The following GABRA3 variants were observed in gnomAD, a reference collection of about 807,000 sequenced individuals.
GABRA3 encodes the protein gamma-aminobutyric acid type A receptor subunit alpha3.
In GABRA3, 10 loss-of-function variants were observed where a neutral mutation model predicts 30.1. The ratio of observed to expected loss-of-function variants is 0.33; its 90% CI spans 0.20 to 0.56. The LOEUF is 0.56. GABRA3 is among the 20% of genes least tolerant of loss of function. GABRA3 has a pLI of 0.89. For missense variants in GABRA3, 233 were observed against 392.0 expected, an observed-to-expected ratio of 0.59 and a Z score of 3.42; for synonymous variants, 151 against 146.8, an observed-to-expected ratio of 1.03 and a Z score of -0.21.
At chrX:152,425,894 G>T (rs1037508340) in intron 1 of GABRA3, among the ~76,000 whole-genome samples, 1 of 110,779 alleles carries the variant, frequency 9.0e-6, no homozygotes, top group African/African-American at 3.3e-5. Flanking sequence ...TGCATGGCAG[G>T]CTCCTTTTCA....
At chrX:152,384,544 G>A (rs1311479015) in intron 1 of GABRA3, among the ~76,000 whole-genome samples, 1 of 111,695 alleles carries the variant, frequency 9.0e-6, no homozygotes, top group Non-Finnish European at 1.9e-5. Context: ...ATGGTTGTAG[G>A]ACAATTTGCT....
chrX:152,183,669 T>C (rs977995243), intron 9 of GABRA3, among the ~76,000 whole-genome samples: 2 of 111,527 alleles, frequency 1.8e-5, no homozygotes, highest in Non-Finnish European at 3.8e-5. Context: ...TCTTTATTCT[T>C]TTTTGATGTA....
chrX:152,347,825 T>C (rs1302357464), intron 2 of GABRA3, among the ~76,000 whole-genome samples: 1 of 110,938 alleles, frequency 9.0e-6, no homozygotes, highest in African/African-American at 3.3e-5. Context: ...CTGGACAATA[T>C]GGCGAAATCC....
chrX:152,299,390 G>A (rs1009050245), intron 3 of GABRA3, among the ~76,000 whole-genome samples: 6 of 110,451 alleles, frequency 5.4e-5, no homozygotes, highest in Non-Finnish European at 9.5e-5. Flanking sequence ...TGAGGCTGTG[G>A]GTTATGGTTG....
intron 3 of GABRA3, among the ~76,000 whole-genome samples, chrX:152,314,279 A>C (rs941871436): frequency 1.2e-4 from 13 of 111,964 alleles, no homozygotes; most frequent in Non-Finnish European, 2.3e-4. Context: ...TAGCTTCTTG[A>C]GGGCAGGAAT....
chrX:152,243,069 A>G (rs1014576722), intron 5 of GABRA3, among the ~76,000 whole-genome samples: 2 of 112,028 alleles, frequency 1.8e-5, no homozygotes, highest in Admixed American at 9.5e-5. Context: ...TTGCGACAAC[A>G]TGGAGGACAT....
In GABRA3 at chrX:152,167,347, T is replaced by A. The variant is rs201074694; in HGVS notation, c.*881A>T. On this transcript the variant is annotated 3_prime_UTR_variant, in exon 10 of 10. Coordinates refer to ENST00000370314, the MANE Select transcript of GABRA3 (RefSeq NM_000808.4). ...TGACTTTTGTATCTCTCCCATATTT[T>A]AAAAAAATGTTTTTTTTAAATCTAG... is the stretch of plus-strand genomic sequence containing the variant. 1 of 112,299 alleles carries A rather than the reference T, an allele frequency of 8.9e-6. No individual in the cohort carries two copies. Among genetic ancestry groups the A allele is most frequent in the Non-Finnish European group, 1.9e-5 (1 of 53,277 alleles). 9.3% of individuals were successfully genotyped at this position (112,299 alleles called of 1,213,427 possible).
intron 1 of GABRA3, among the ~76,000 whole-genome samples, chrX:152,402,165 G>C (rs1386030377): frequency 8.9e-6 from 1 of 112,037 alleles, no homozygotes; most frequent in Non-Finnish European, 1.9e-5. Context: ...ACCTCCGTAA[G>C]GAATACTGTT....
intron 1 of GABRA3, among the ~76,000 whole-genome samples, chrX:152,437,093 C>T (rs900294112): frequency 1.6e-4 from 18 of 111,460 alleles, no homozygotes; most frequent in African/African-American, 5.9e-4. Flanking sequence ...AGAAAATGTT[C>T]AGTATCATTA....
At chrX:152,425,708 C>T (rs1930499959) in intron 1 of GABRA3, among the ~76,000 whole-genome samples, 1 of 110,728 alleles carries the variant, frequency 9.0e-6, no homozygotes. Context: ...AAAGTGGTGA[C>T]TTTCAACTTC....
Position 152,334,781 on chromosome X carries a change from A to G in GABRA3, c.262+10800T>C, listed in dbSNP as rs768408176. ...ATCAAAAAAAAATTATTCAAGAAAAAATGTATTCAAGAAAATCTACTAAAA... is the reference window on the plus strand; with the variant it reads ...ATCAAAAAAAAATTATTCAAGAAAAGATGTATTCAAGAAAATCTACTAAAA... On this transcript the variant is annotated intron_variant, in intron 3 of 9. Coordinates refer to ENST00000370314, the MANE Select transcript of GABRA3 (RefSeq NM_000808.4). 1.1e-4 allele frequency among the ~76,000 whole-genome samples: 12 copies of G among 111,798 alleles called. No individual in the cohort carries two copies. In the East Asian group the frequency reaches 3.4e-3, roughly 32 times the overall value.
At chrX:152,199,348 A>AGAGG (rs1198632625) in intron 7 of GABRA3, among the ~76,000 whole-genome samples, 1 of 104,732 alleles carries the variant, frequency 9.5e-6, no homozygotes, top group Non-Finnish European at 2.0e-5. Context: ...CCTGGGCAAC[A>AGAGG]GGCGAGACTC....
chrX:152,377,883 C>T (rs768283873), intron 1 of GABRA3, among the ~76,000 whole-genome samples: 1 of 111,616 alleles, frequency 9.0e-6, no homozygotes, highest in South Asian at 3.7e-4. Flanking sequence ...CTTCTTCAAA[C>T]CCCAGGAGAC....
At chrX:152,272,718 C>T (rs920632995) in intron 4 of GABRA3, among the ~76,000 whole-genome samples, 2 of 111,204 alleles carry the variant, frequency 1.8e-5, no homozygotes, top group African/African-American at 6.6e-5. Flanking sequence ...TTCCATAATC[C>T]CCACGTGTGG....
chrX:152,298,311 GT>G (rs910949818), intron 3 of GABRA3, among the ~76,000 whole-genome samples: 3 of 110,452 alleles, frequency 2.7e-5, no homozygotes, highest in African/African-American at 1.0e-4. Context: ...TGCCATGTTG[GT>G]GTGCGGCACC....
chrX:152,322,844 CTTTTTTTTTTTTTTTTTTT>C (rs1172827692), intron 3 of GABRA3, among the ~76,000 whole-genome samples: 1 of 61,261 alleles, frequency 1.6e-5, no homozygotes, highest in African/African-American at 7.1e-5. Context: ...AAAGTCTACT[CTTTTTTTTTTTTTTTTTTT>C]TTTTTTTTGA....
At chrX:152,216,444 T>G (rs1363616631) in intron 6 of GABRA3, among the ~76,000 whole-genome samples, 20 of 88,122 alleles carry the variant, frequency 2.3e-4, no homozygotes. Flanking sequence ...ACACACACAA[T>G]GGAATGCTAT....
chrX:152,419,341 G>A (rs1321405006), intron 1 of GABRA3, among the ~76,000 whole-genome samples: 2 of 109,781 alleles, frequency 1.8e-5, no homozygotes, highest in Non-Finnish European at 3.8e-5. Flanking sequence ...GAAGAAAAAA[G>A]AAAATTAAAA....
chrX:152,214,909 G>A (rs1247125254), intron 6 of GABRA3, among the ~76,000 whole-genome samples: 1 of 108,471 alleles, frequency 9.2e-6, no homozygotes, highest in African/African-American at 3.3e-5. Context: ...TTTTGTATGT[G>A]GATTTTGTAT....
Sources: gnomAD v4.1 joint callset for allele counts (sites outside exome capture counted in the v4.1 genomes callset) on GRCh38, gnomAD v4.1.1 for gene constraint, MANE v1.5 for transcripts, NCBI Gene and HGNC (gene_info 2026-07-23, HGNC 2026-07-21) for gene names.